OSBPL6: variants seen among roughly 807,000 people sequenced by gnomAD.
OSBPL6 encodes oxysterol binding protein like 6, also known as oxysterol-binding protein-related protein 6.
In OSBPL6, 49 loss-of-function variants were observed where a neutral mutation model predicts 125.8. That is an observed-to-expected ratio of 0.39 (90% CI 0.31 to 0.49). The LOEUF is 0.49. Among genes scored for constraint, OSBPL6 ranks in the 20% least tolerant of loss-of-function variants. The pLI is 0.88. For missense variants in OSBPL6, 986 were observed against 1,135.4 expected (o/e 0.87, Z 1.89); for synonymous variants, 394 against 391.8 (o/e 1.01, Z -0.07).
chr2:178,255,316 A>C (rs1574645586), intron 1 of OSBPL6, among the ~76,000 whole-genome samples: 1 of 152,228 alleles, frequency 6.6e-6, no homozygotes, highest in East Asian at 1.9e-4. Flanking sequence ...TCAAAAACAA[A>C]AAACAAAAAA....
chr2:178,194,171 C>G (rs1203185753), upstream of OSBPL6, among the ~76,000 whole-genome samples: 2 of 152,184 alleles, frequency 1.3e-5, no homozygotes, highest in Non-Finnish European at 2.9e-5. Flanking sequence ...CGCGCAGGCC[C>G]GCGGATGGCA....
At chr2:178,242,069 A>G (rs1215507045) in intron 1 of OSBPL6, among the ~76,000 whole-genome samples, 2 of 152,222 alleles carry the variant, frequency 1.3e-5, no homozygotes, top group Non-Finnish European at 2.9e-5. Context: ...CACAATGACG[A>G]AATCACCTAA....
chr2:178,261,786 A>G (rs1381465766), intron 1 of OSBPL6, among the ~76,000 whole-genome samples: 1 of 152,164 alleles, frequency 6.6e-6, no homozygotes, highest in Non-Finnish European at 1.5e-5. Context: ...ACGAATTTCA[A>G]CTTTGGTTGA....
At chr2:178,334,471 C>T (rs1574898474) in intron 8 of OSBPL6, among the ~76,000 whole-genome samples, 1 of 152,146 alleles carries the variant, frequency 6.6e-6, no homozygotes. Flanking sequence ...TTGATAGATC[C>T]TATTAACGAT....
intron 13 of OSBPL6, among the ~76,000 whole-genome samples, chr2:178,362,732 C>T (rs748400206): frequency 3.9e-5 from 6 of 151,984 alleles, no homozygotes; most frequent in Admixed American, 6.6e-5. Flanking sequence ...CCTGAACTGT[C>T]GGCGTATTTT....
At chr2:178,347,650 C>T (rs113568119) in intron 11 of OSBPL6, among the ~76,000 whole-genome samples, 42 of 152,210 alleles carry the variant, frequency 2.8e-4, no homozygotes, top group African/African-American at 9.9e-4. Context: ...GGACAGGATT[C>T]CAGCAGAGTA....
intron 1 of OSBPL6, among the ~76,000 whole-genome samples, chr2:178,282,515 A>T (rs924612140): frequency 6.6e-6 from 1 of 152,194 alleles, no homozygotes; most frequent in Non-Finnish European, 1.5e-5. Context: ...ATGAGCAAAA[A>T]GAGCTGCAGG....
At chr2:178,285,464 T>G (rs1005858396) in intron 2 of OSBPL6, among the ~76,000 whole-genome samples, 4 of 152,188 alleles carry the variant, frequency 2.6e-5, no homozygotes, top group Non-Finnish European at 5.9e-5. Context: ...ATCCTTGCTT[T>G]CTTTATACAC....
At chr2:178,305,960 T>C (rs987209846) in intron 2 of OSBPL6, 70 bp from the exon 3 acceptor site, 5 of 343,236 alleles carry the variant, frequency 1.5e-5, no homozygotes, top group African/African-American at 1.1e-4. Context: ...AATTAATATT[T>C]CATCCTAAAG....
chr2:178,391,001 T>C, intron 21 of OSBPL6, 72 bp from the exon 22 acceptor site: 2 of 1,573,888 alleles, frequency 1.3e-6, no homozygotes, highest in Non-Finnish European at 1.7e-6. Flanking sequence ...AAGAAATTTT[T>C]CTATATGGAA....
intron 1 of OSBPL6, among the ~76,000 whole-genome samples, chr2:178,276,371 GTTT>G (rs71023438): frequency 4.9e-5 from 6 of 122,736 alleles, no homozygotes; most frequent in African/African-American, 6.3e-5. Flanking sequence ...ATTCTAAATG[GTTT>G]TTTTTTTTTT....
At chr2:178,300,755 C>T (rs999015369) in intron 2 of OSBPL6, among the ~76,000 whole-genome samples, 2 of 152,190 alleles carry the variant, frequency 1.3e-5, no homozygotes, top group Non-Finnish European at 2.9e-5. Context: ...CACACCCAGT[C>T]CCATTTTACT....
At chr2:178,332,583 G>T in intron 6 of OSBPL6, 58 bp from the exon 7 acceptor site, 1 of 1,284,332 alleles carries the variant, frequency 7.8e-7, no homozygotes, top group Non-Finnish European at 1.1e-6. Context: ...CTTAAATACA[G>T]TACAGAAACA....
chr2:178,255,779 A>T (rs2091866867), intron 1 of OSBPL6, among the ~76,000 whole-genome samples: 1 of 152,164 alleles, frequency 6.6e-6, no homozygotes, highest in African/African-American at 2.4e-5. Context: ...TCAATTCCAA[A>T]TCCTGGAGAG....
chr2:178,387,370 C>G (rs1017375293), intron 20 of OSBPL6, among the ~76,000 whole-genome samples: 1 of 152,214 alleles, frequency 6.6e-6, no homozygotes, highest in Non-Finnish European at 1.5e-5. Context: ...TCAACACCAC[C>G]AGGTACCTCC....
At chr2:178,227,691 G>C (rs2090621039) in intron 1 of OSBPL6, among the ~76,000 whole-genome samples, 1 of 152,184 alleles carries the variant, frequency 6.6e-6, no homozygotes, top group Admixed American at 6.5e-5. Context: ...AAATTCTAAA[G>C]ATACTACATT....
At chr2:178,305,953 T>A (rs1204872606) in intron 2 of OSBPL6, 77 bp from the exon 3 acceptor site, 1 of 320,654 alleles carries the variant, frequency 3.1e-6, no homozygotes, top group Non-Finnish European at 5.7e-6. Flanking sequence ...TAACACAAAT[T>A]AATATTTCAT....
intron 2 of OSBPL6, among the ~76,000 whole-genome samples, chr2:178,293,121 A>G (rs1054137090): frequency 6.6e-6 from 1 of 152,128 alleles, no homozygotes; most frequent in Non-Finnish European, 1.5e-5. Flanking sequence ...GGTGTATGGG[A>G]ACTTCCCATA....
intron 12 of OSBPL6, among the ~76,000 whole-genome samples, chr2:178,354,214 A>G (rs1306216494): frequency 1.3e-5 from 2 of 152,270 alleles, no homozygotes; most frequent in African/African-American, 4.8e-5. Context: ...TCATAATGAC[A>G]GGATCAAATT....
Sources: allele counts gnomAD v4.1 joint callset (sites outside exome capture counted in the v4.1 genomes callset), GRCh38; gene constraint gnomAD v4.1.1; transcripts MANE v1.5; gene names NCBI Gene and HGNC (gene_info 2026-07-23, HGNC 2026-07-21).